Variants in CACNG2 observed in about 807,000 individuals in gnomAD.
The protein encoded by CACNG2 is voltage-dependent calcium channel gamma-2 subunit.
A neutral mutation model predicts 25.9 loss-of-function variants in CACNG2; 3 were observed. The observed-to-expected ratio is 0.12, with a 90% confidence interval of 0.05 to 0.30. The LOEUF (loss-of-function observed/expected upper bound fraction) is 0.30, where lower values mean the gene tolerates loss of function less well. CACNG2 is among the 10% of genes least tolerant of loss of function. CACNG2 has a pLI of 1.00. For synonymous variants in CACNG2, 167 were observed against 173.3 expected (o/e 0.96, Z 0.29); for missense variants, 341 against 432.5 (o/e 0.79, Z 1.88).
intron 1 of CACNG2, among the ~76,000 whole-genome samples, chr22:36,628,032 C>T (rs1936210221): frequency 6.6e-6 from 1 of 152,034 alleles, no homozygotes; most frequent in African/African-American, 2.4e-5. Context: ...TATGTACATT[C>T]ACAGAAAAAA....
chr22:36,657,414 G>T (rs1025708526), intron 1 of CACNG2, among the ~76,000 whole-genome samples: 2 of 152,158 alleles, frequency 1.3e-5, no homozygotes, highest in East Asian at 1.9e-4. Flanking sequence ...GCCCTGGAAA[G>T]CTCATGCTAC....
intron 2 of CACNG2, chr22:36,584,790 C>T (rs1935473117): frequency 6.6e-6 from 1 of 152,318 alleles, no homozygotes; most frequent in African/African-American, 2.4e-5. Context: ...AGGTCTCCCT[C>T]CAGATGGCTA....
At chr22:36,623,649 G>C (rs1171166533) in intron 1 of CACNG2, among the ~76,000 whole-genome samples, 1 of 152,160 alleles carries the variant, frequency 6.6e-6, no homozygotes, top group Non-Finnish European at 1.5e-5. Context: ...CTGAAAGAGT[G>C]AGGGTTGAGC....
At chr22:36,676,409 A>T (rs951955245) in intron 1 of CACNG2, among the ~76,000 whole-genome samples, 1 of 152,212 alleles carries the variant, frequency 6.6e-6, no homozygotes, top group African/African-American at 2.4e-5. Context: ...TGGCGTACCC[A>T]GGATGCAGCT....
At chr22:36,569,674 G>A (rs141922078) in intron 2 of CACNG2, among the ~76,000 whole-genome samples, 3,758 of 152,212 alleles carry the variant, frequency 0.025, 174 homozygotes, top group African/African-American at 0.087. Flanking sequence ...CAAGTAGCTG[G>A]GATTATAGGC....
chr22:36,664,315 C>T (rs1233476246), intron 1 of CACNG2, among the ~76,000 whole-genome samples: 3 of 152,206 alleles, frequency 2.0e-5, no homozygotes, highest in African/African-American at 7.2e-5. Context: ...CCTATTCATT[C>T]ATTCAAAAAT....
intron 1 of CACNG2, among the ~76,000 whole-genome samples, chr22:36,655,242 G>C (rs2145978628): frequency 6.6e-6 from 1 of 152,230 alleles, no homozygotes; most frequent in Non-Finnish European, 1.5e-5. Context: ...TAATTTGTTA[G>C]GGTTAGACAA....
chr22:36,629,331 G>A (rs1247512720), intron 1 of CACNG2, among the ~76,000 whole-genome samples: 1 of 152,152 alleles, frequency 6.6e-6, no homozygotes, highest in East Asian at 1.9e-4. Context: ...CCCTGGGCAG[G>A]CTGTGAGCTG....
At chr22:36,574,002 A>T (rs1935273967) in intron 2 of CACNG2, among the ~76,000 whole-genome samples, 1 of 152,052 alleles carries the variant, frequency 6.6e-6, no homozygotes, top group Non-Finnish European at 1.5e-5. Flanking sequence ...CCAGTGGAAG[A>T]GTGTGGGGAG....
At chr22:36,643,426 C>A (rs1303906475) in intron 1 of CACNG2, among the ~76,000 whole-genome samples, 1 of 152,044 alleles carries the variant, frequency 6.6e-6, no homozygotes, top group Non-Finnish European at 1.5e-5. Flanking sequence ...AGACAAAACT[C>A]TTTGCTTATT....
chr22:36,575,989 G>A (rs2145913369), intron 2 of CACNG2, among the ~76,000 whole-genome samples: 1 of 152,288 alleles, frequency 6.6e-6, no homozygotes, highest in Middle Eastern at 3.4e-3. Context: ...TAGTCTCTTG[G>A]GCATCTCTTC....
chr22:36,680,972 C>A (rs1031252748), intron 1 of CACNG2, among the ~76,000 whole-genome samples: 12 of 151,932 alleles, frequency 7.9e-5, no homozygotes, highest in Admixed American at 6.6e-4. Context: ...CTTTTCCTGT[C>A]AACTTCTTTA....
At chr22:36,648,584 C>T (rs1936563220) in intron 1 of CACNG2, among the ~76,000 whole-genome samples, 1 of 152,132 alleles carries the variant, frequency 6.6e-6, no homozygotes, top group Non-Finnish European at 1.5e-5. Context: ...ACCTTCTGAC[C>T]TCCTACTTCA....
At chr22:36,573,791 C>T (rs1935270751) in intron 2 of CACNG2, among the ~76,000 whole-genome samples, 1 of 152,206 alleles carries the variant, frequency 6.6e-6, no homozygotes, top group South Asian at 2.1e-4. Flanking sequence ...ACTTTGCTGC[C>T]CTTCAAAGCA....
At chr22:36,594,895 TGG>T (rs1328542658) in intron 1 of CACNG2, among the ~76,000 whole-genome samples, 15 of 150,160 alleles carry the variant, frequency 1.0e-4, no homozygotes, top group African/African-American at 3.7e-4. Flanking sequence ...TGTGTGTACA[TGG>T]GTGTGTGTGT....
chr22:36,582,629 G>C (rs1358423090), intron 2 of CACNG2, among the ~76,000 whole-genome samples: 1 of 150,542 alleles, frequency 6.6e-6, no homozygotes, highest in African/African-American at 2.4e-5. Flanking sequence ...GGCTGGTCTC[G>C]AACTCCCAAC....
chr22:36,638,493 T>TTA (rs1338574551), intron 1 of CACNG2, among the ~76,000 whole-genome samples: 1 of 152,218 alleles, frequency 6.6e-6, no homozygotes, highest in African/African-American at 2.4e-5. Flanking sequence ...AGTCTTGCAC[T>TTA]GGTGCCTTTG....
At chr22:36,653,499 G>C (rs549198492) in intron 1 of CACNG2, among the ~76,000 whole-genome samples, 1 of 152,264 alleles carries the variant, frequency 6.6e-6, no homozygotes, top group Non-Finnish European at 1.5e-5. Context: ...GCTGGGGCCT[G>C]TGTGTGCCTC....
intron 1 of CACNG2, among the ~76,000 whole-genome samples, chr22:36,682,315 C>T (rs533551076): frequency 8.5e-5 from 13 of 152,322 alleles, no homozygotes; most frequent in Admixed American, 5.2e-4. Context: ...TCCGTTTCCT[C>T]CTCTGCAGAA....
Sources: gnomAD v4.1 joint callset for allele counts (sites outside exome capture counted in the v4.1 genomes callset) on GRCh38, gnomAD v4.1.1 for gene constraint, MANE v1.5 for transcripts, NCBI Gene and HGNC (gene_info 2026-07-23, HGNC 2026-07-21) for gene names.